The following CTNND2 variants were observed in gnomAD, a reference collection of about 807,000 sequenced individuals.
CTNND2 encodes the protein catenin delta 2.
A neutral mutation model predicts 144.4 loss-of-function variants in CTNND2; 22 were observed. That is an observed-to-expected ratio of 0.15 (90% CI 0.11 to 0.22). The LOEUF is 0.22. Ranked by LOEUF, CTNND2 falls within the 10% of genes least tolerant of loss-of-function variation. The pLI is 1.00. For missense variants in CTNND2, 1,353 were observed against 1,618.8 expected (o/e 0.84, Z 2.82); for synonymous variants, 751 against 695.6 (o/e 1.08, Z -1.25).
chr5:11,826,089 A>G (rs1024159016), intron 1 of CTNND2, among the ~76,000 whole-genome samples: 2 of 152,084 alleles, frequency 1.3e-5, no homozygotes, highest in Admixed American at 6.6e-5. Context: ...GTCAAGGTAA[A>G]GGAAAAAGTT....
At chr5:11,406,083 G>A (rs1169929730) in intron 5 of CTNND2, among the ~76,000 whole-genome samples, 1 of 152,160 alleles carries the variant, frequency 6.6e-6, no homozygotes, top group Non-Finnish European at 1.5e-5. Context: ...GGAGGCAGAG[G>A]TTACAGTGAG....
chr5:11,035,487 T>C (rs1743971047), intron 16 of CTNND2, among the ~76,000 whole-genome samples: 1 of 152,244 alleles, frequency 6.6e-6, no homozygotes, highest in African/African-American at 2.4e-5. Context: ...TTGGGCCCAC[T>C]GGGATAATCC....
chr5:11,311,921 C>T (rs1239789360), intron 9 of CTNND2, among the ~76,000 whole-genome samples: 2 of 102,294 alleles, frequency 2.0e-5, no homozygotes, highest in African/African-American at 6.7e-5. Context: ...CACATACATC[C>T]TCGCCCCCCA....
At chr5:11,471,452 T>C (rs1461224724) in intron 3 of CTNND2, among the ~76,000 whole-genome samples, 2 of 152,224 alleles carry the variant, frequency 1.3e-5, no homozygotes, top group Non-Finnish European at 2.9e-5. Flanking sequence ...GGACTGATTA[T>C]ACTCAGAATA....
chr5:11,247,006 G>A (rs987165946), intron 9 of CTNND2, among the ~76,000 whole-genome samples: 5 of 152,296 alleles, frequency 3.3e-5, no homozygotes, highest in East Asian at 1.9e-4. Flanking sequence ...CCACTGGAAC[G>A]CTGGGATCTG....
intron 2 of CTNND2, among the ~76,000 whole-genome samples, chr5:11,666,934 C>A (rs1349371395): frequency 1.3e-5 from 2 of 151,798 alleles, no homozygotes; most frequent in Non-Finnish European, 2.9e-5. Context: ...CACCCCCTGA[C>A]AGGCCCCAGT....
chr5:11,792,583 C>T (rs1001558052), intron 1 of CTNND2, among the ~76,000 whole-genome samples: 3 of 152,186 alleles, frequency 2.0e-5, no homozygotes, highest in African/African-American at 7.2e-5. Context: ...AATACAAGTA[C>T]AGCAGGGGTC....
At position 11,303,380 on chromosome 5, in the gene CTNND2, T is replaced by A. The variant is rs27669; in HGVS notation, c.1628+42992A>T. ...TGGTTTCTGCACGCAGATGGCCTTG[T>A]TGAATTCAGACCTCCTCACACTTTC... is the stretch of plus-strand genomic sequence containing the variant. On this transcript the variant is annotated intron_variant, in intron 9 of 21. Coordinates refer to ENST00000304623, the MANE Select transcript of CTNND2 (RefSeq NM_001332.4). Among the ~76,000 whole-genome samples, 371 of 152,266 alleles carry A rather than the reference T, an allele frequency of 2.4e-3. 2 individuals carry two copies. The highest frequency in any genetic ancestry group is 2.2e-3 in the Non-Finnish European group (147 of 68,044).
At chr5:11,761,835 C>G (rs750729222) in intron 1 of CTNND2, among the ~76,000 whole-genome samples, 12 of 152,070 alleles carry the variant, frequency 7.9e-5, no homozygotes, top group Non-Finnish European at 1.6e-4. Context: ...TATTGGTAAC[C>G]AAGAAAACTT....
rs759406037 is a variant in CTNND2, at chr5:11,808,245, C to T, written c.38-75973G>A. Among the ~76,000 whole-genome samples the T allele has an allele frequency of 3.9e-5, 6 of 152,278 alleles. No individual in the cohort carries two copies. In the South Asian group the frequency reaches 6.2e-4, roughly 16 times the overall value. On this transcript the variant is annotated intron_variant, in intron 1 of 21. Transcript: ENST00000304623. Reference sequence around the variant, plus strand: ...ACCATAACTAAACATACTTTATTCACTTATTGCCATATATTTAATGAACTC... The same window carrying T: ...ACCATAACTAAACATACTTTATTCATTTATTGCCATATATTTAATGAACTC...
intron 1 of CTNND2, among the ~76,000 whole-genome samples, chr5:11,786,384 C>T (rs928576569): frequency 2.6e-5 from 4 of 152,180 alleles, no homozygotes; most frequent in Admixed American, 6.5e-5. Flanking sequence ...TCCCAAGATG[C>T]TCTCTGTCTG....
In CTNND2 at chr5:11,364,786, C is replaced by T. The variant is rs148824970; in HGVS notation, c.1282G>A (p.Val428Ile). Residue 428 changes from valine (V) to isoleucine (I), a missense_variant, in exon 8 of 22, where the codon GTC becomes ATC. Physicochemically the swap from Val to Ile is conservative, Grantham distance 29 (BLOSUM62 3). Around this residue, in one of 4 missense-constraint regions of CTNND2, gnomAD observed 708 missense variants for 706.4 expected, o/e 1.00. Coordinates refer to ENST00000304623, the MANE Select transcript of CTNND2 (RefSeq NM_001332.4). ...HHIDPIYEDR[V>I]YQKPPMRSLS... ...CTCCTCATAGGGGGCTTCTGATAGACGCGGTCTTCATAGATGGGATCTATG... is the reference window on the plus strand; with the variant it reads ...CTCCTCATAGGGGGCTTCTGATAGATGCGGTCTTCATAGATGGGATCTATG... The T allele has an allele frequency of 1.5e-4, 244 of 1,613,738 alleles. No individual in the cohort carries two copies. Among genetic ancestry groups the T allele is most frequent in the Admixed American group, 5.3e-4 (32 of 59,906 alleles).
intron 3 of CTNND2, among the ~76,000 whole-genome samples, chr5:11,431,912 T>G (rs750307561): frequency 1.3e-5 from 2 of 152,140 alleles, no homozygotes; most frequent in Admixed American, 6.5e-5. Flanking sequence ...TCCTTTGTCA[T>G]CAACAGTAGC....
intron 3 of CTNND2, among the ~76,000 whole-genome samples, chr5:11,489,841 AAAC>A (rs1769216110): frequency 6.6e-6 from 1 of 152,194 alleles, no homozygotes; most frequent in East Asian, 1.9e-4. Context: ...GCTGTGTGTG[AAAC>A]AACAACTTAG....
At chr5:11,861,564 G>T (rs561410068) in intron 1 of CTNND2, among the ~76,000 whole-genome samples, 1 of 152,166 alleles carries the variant, frequency 6.6e-6, no homozygotes. Context: ...CCAAACCGAT[G>T]TCATCTTTTG....
At position 11,510,309 on chromosome 5, in the gene CTNND2, A is replaced by T. The variant is rs565979727; in HGVS notation, c.287+54635T>A. Among the ~76,000 whole-genome samples the T allele has an allele frequency of 9.2e-5, 14 of 152,274 alleles. No individual in the cohort carries two copies. In the South Asian group the frequency reaches 2.5e-3, roughly 27 times the overall value. The stretch of plus-strand genomic sequence containing the variant: ...TGGCAACTAAAAAATATGATCTTTG[A>T]TTACAGAAATAAAGGCATCACTTAA... On this transcript the variant is annotated intron_variant, in intron 3 of 21. Transcript: ENST00000304623.
chr5:11,146,829 A>C (rs1323602944), intron 12 of CTNND2, among the ~76,000 whole-genome samples: 1 of 152,226 alleles, frequency 6.6e-6, no homozygotes, highest in African/African-American at 2.4e-5. Flanking sequence ...AATTATCAGC[A>C]ACACACACAC....
At chr5:11,566,586 ACTC>A (rs1423810551) in intron 2 of CTNND2, among the ~76,000 whole-genome samples, 2 of 152,120 alleles carry the variant, frequency 1.3e-5, no homozygotes, top group African/African-American at 4.8e-5. Context: ...ACCATACAGA[ACTC>A]CTCACATGTC....
chr5:11,630,768 A>G (rs2126465946), intron 2 of CTNND2, among the ~76,000 whole-genome samples: 1 of 152,158 alleles, frequency 6.6e-6, no homozygotes, highest in Non-Finnish European at 1.5e-5. Flanking sequence ...CCTGGTCAAC[A>G]TGGTGAAATG....
Sources: allele counts gnomAD v4.1 joint callset (sites outside exome capture counted in the v4.1 genomes callset), GRCh38; gene constraint gnomAD v4.1.1; regional missense constraint gnomAD v4.1.1; transcripts MANE v1.5; gene names NCBI Gene and HGNC (gene_info 2026-07-23, HGNC 2026-07-21).